PPP6C: variants seen among roughly 807,000 people sequenced by gnomAD.
PPP6C encodes the protein protein phosphatase 6 catalytic subunit.
PPP6C carries 11 observed loss-of-function variants against 39.8 expected under a neutral mutation model. That is an observed-to-expected ratio of 0.28 (90% confidence interval 0.17 to 0.46). The LOEUF (loss-of-function observed/expected upper bound fraction) is 0.46, where lower values mean the gene tolerates loss of function less well. Ranked by LOEUF, PPP6C falls within the 20% of genes least tolerant of loss-of-function variation. The pLI is 1.00. For synonymous variants in PPP6C, 129 were observed against 130.3 expected, an observed-to-expected ratio of 0.99 and a Z score of 0.07; for missense variants, 211 against 373.9, an observed-to-expected ratio of 0.56 and a Z score of 3.59.
chr9:125,151,394 T>G (rs1835938445), intron 6 of PPP6C: 1 of 983,090 alleles, frequency 1.0e-6, no homozygotes, highest in African/African-American at 1.6e-5. Context: ...CAGAATCTTC[T>G]CTGGTCCAGC....
intron 6 of PPP6C, chr9:125,151,076 T>C: frequency 7.5e-7 from 1 of 1,325,556 alleles, no homozygotes; most frequent in South Asian, 1.2e-5. Context: ...GTGGACTATC[T>C]GTATGCAGAG....
In PPP6C at chr9:125,147,291, T is replaced by C. The variant is rs1835833442; in HGVS notation, c.*2382A>G. The C allele has an allele frequency of 6.6e-6, 1 of 152,152 alleles. No homozygotes were observed. Among genetic ancestry groups the C allele is most frequent in the African/African-American group, 2.4e-5 (1 of 41,436 alleles). The allele number at this position is 152,152 out of a possible 1,614,324, so 9.4% of individuals were successfully genotyped here. Reference sequence around the variant, plus strand: ...ATATCATAGGCAAATAAAAATAGTTTTTACCCCCATTGATACAACATAAGG... The same window carrying C: ...ATATCATAGGCAAATAAAAATAGTTCTTACCCCCATTGATACAACATAAGG... On this transcript the variant is annotated 3_prime_UTR_variant, in exon 7 of 7. Coordinates refer to ENST00000373547, the MANE Select transcript of PPP6C (RefSeq NM_002721.5).
intron 1 of PPP6C, among the ~76,000 whole-genome samples, chr9:125,187,655 A>C (rs1331285511): frequency 1.3e-5 from 2 of 151,986 alleles, no homozygotes; most frequent in Non-Finnish European, 2.9e-5. Context: ...AATAAGAAGA[A>C]AAAATTCCAT....
chr9:125,184,118 T>C (rs1829474300), intron 1 of PPP6C, among the ~76,000 whole-genome samples: 1 of 152,122 alleles, frequency 6.6e-6, no homozygotes, highest in Non-Finnish European at 1.5e-5. Flanking sequence ...CCAGGCGCGG[T>C]GGCTAACGCC....
At chr9:125,187,908 T>C (rs1829565488) in intron 1 of PPP6C, among the ~76,000 whole-genome samples, 1 of 151,988 alleles carries the variant, frequency 6.6e-6, no homozygotes, top group Non-Finnish European at 1.5e-5. Context: ...AACGGGAAAA[T>C]GCACAAGAAT....
chr9:125,147,777 C>T lies in PPP6C; in HGVS notation c.*1896G>A, dbSNP rs926019006. On this transcript the variant is annotated 3_prime_UTR_variant, in exon 7 of 7. Transcript: ENST00000373547. ...CTATTAGTACAACTTAAGTGGAAAG[C>T]AAGCACTTAAATACAATTTATGGTA... 2 of 150,862 alleles carry T rather than the reference C, an allele frequency of 1.3e-5. No homozygotes were observed. Among genetic ancestry groups the T allele is most frequent in the African/African-American group, 4.9e-5 (2 of 40,878 alleles). 9.3% of individuals were successfully genotyped at this position (150,862 alleles called of 1,614,324 possible).
At chr9:125,157,319 T>C (rs1836104735) in intron 4 of PPP6C, among the ~76,000 whole-genome samples, 1 of 152,084 alleles carries the variant, frequency 6.6e-6, no homozygotes, top group Non-Finnish European at 1.5e-5. Flanking sequence ...TTCTGATCCC[T>C]GAGGTCCTAG....
Position 125,185,459 on chromosome 9 carries a change from T to C in PPP6C, c.75+4185A>G, listed in dbSNP as rs1376244561. On this transcript the variant is annotated intron_variant, in intron 1 of 6. Coordinates refer to ENST00000373547, the MANE Select transcript of PPP6C (RefSeq NM_002721.5). The stretch of plus-strand genomic sequence containing the variant: ...CTGTAATCCCAGCACTTTGGGAGGC[T>C]GAGAAGGGTGGATCACCTGAGGTCA... 2.4e-3 allele frequency among the ~76,000 whole-genome samples: 362 copies of C among 150,804 alleles called. 5 individuals carry two copies. Among genetic ancestry groups the C allele is most frequent in the African/African-American group, 8.7e-3 (353 of 40,452 alleles).
rs1243628320 is a variant in PPP6C, at chr9:125,149,626, G to A, written c.*47C>T. 7.6e-6 allele frequency: 12 copies of A among 1,588,716 alleles called. No homozygotes were observed. Among genetic ancestry groups the A allele is most frequent in the Non-Finnish European group, 1.0e-5 (12 of 1,164,136 alleles). ...TGTAGAGGGTAATACAAGAAAATTG[G>A]GGTAAGAAGAGGGCAGAAAAATGGG... On this transcript the variant is annotated 3_prime_UTR_variant, in exon 7 of 7. Coordinates refer to ENST00000373547, the MANE Select transcript of PPP6C (RefSeq NM_002721.5).
In PPP6C at chr9:125,189,014, C is replaced by A; in HGVS notation, c.75+630G>T. On this transcript the variant is annotated intron_variant, in intron 1 of 6. Transcript: ENST00000373547. ...TGAGAACCAACTACTTTATCCACTT[C>A]AGTAAGCTCAACAACATACTCAGAA... 4.1e-6 allele frequency: 5 copies of A among 1,214,548 alleles called. No individual in the cohort carries two copies. In the South Asian group the frequency reaches 6.6e-5, roughly 16 times the overall value. 75.2% of individuals were successfully genotyped at this position (1,214,548 alleles called of 1,614,324 possible).
chr9:125,154,087 A>G, intron 4 of PPP6C, 102 bp from the exon 5 acceptor site: 1 of 876,468 alleles, frequency 1.1e-6, no homozygotes, highest in Non-Finnish European at 1.8e-6. Context: ...AATTCAGCTT[A>G]AACTAGGATA....
intron 1 of PPP6C, among the ~76,000 whole-genome samples, chr9:125,176,748 C>T (rs1656831586): frequency 6.6e-6 from 1 of 152,100 alleles, no homozygotes; most frequent in Non-Finnish European, 1.5e-5. Context: ...GCAGGGAGAT[C>T]AGTTAAGTGT....
chr9:125,157,482 TA>T (rs1322972519), intron 4 of PPP6C, among the ~76,000 whole-genome samples: 2 of 152,130 alleles, frequency 1.3e-5, no homozygotes, highest in African/African-American at 2.4e-5. Flanking sequence ...ATAACATTAA[TA>T]AAGTGAAAAA....
chr9:125,149,010 A>G lies in PPP6C; in HGVS notation c.*663T>C, dbSNP rs1395175657. 6.7e-6 allele frequency: 1 copy of G among 150,138 alleles called. No individual in the cohort carries two copies. The highest frequency in any genetic ancestry group is 1.5e-5 in the Non-Finnish European group (1 of 66,708). 9.3% of individuals were successfully genotyped at this position (150,138 alleles called of 1,614,324 possible). ...TTAACCTATCTGAGTTTTATTTAAG[A>G]TTACTTTATTAAAAAATACAAGGAA... On this transcript the variant is annotated 3_prime_UTR_variant, in exon 7 of 7. Coordinates refer to ENST00000373547, the MANE Select transcript of PPP6C (RefSeq NM_002721.5).
At position 125,147,339 on chromosome 9, in the gene PPP6C, T is replaced by C. The variant is rs980867232; in HGVS notation, c.*2334A>G. 1 of 152,210 alleles carries C rather than the reference T, an allele frequency of 6.6e-6. No homozygotes were observed. The highest frequency in any genetic ancestry group is 1.5e-5 in the Non-Finnish European group (1 of 68,044). 9.4% of individuals were successfully genotyped at this position (152,210 alleles called of 1,614,324 possible). On this transcript the variant is annotated 3_prime_UTR_variant, in exon 7 of 7. Coordinates refer to ENST00000373547, the MANE Select transcript of PPP6C (RefSeq NM_002721.5). Reference sequence around the variant, plus strand: ...AGGGATTTTACATTCAGCCTAGATATAGGGAGTAACAAATCCTCCTGCCCA... The same window carrying C: ...AGGGATTTTACATTCAGCCTAGATACAGGGAGTAACAAATCCTCCTGCCCA...
Position 125,171,222 on chromosome 9 carries a change from T to C in PPP6C, c.76-42A>G, listed in dbSNP as rs551303893. 532 of 1,420,686 alleles carry C rather than the reference T, an allele frequency of 3.7e-4. 7 individuals are homozygous for C. The South Asian group carries it at 6.2e-3, about 17-fold the overall frequency. The allele number at this position is 1,420,686 out of a possible 1,614,324, so 88.0% of individuals were successfully genotyped here. A position where few individuals can be genotyped will look rare whatever the true frequency, so the allele number is the denominator to read the frequency against. ...TAAAAGGTAAACATTTACTACAACA[T>C]TAAAACTAAAGATAAAATACCAAAA... On this transcript the variant is annotated intron_variant, in intron 1 of 6. Transcript: ENST00000373547.
chr9:125,167,379 C>CAAAAAAAAAAAAAAAA lies in PPP6C; in HGVS notation c.171+3690_171+3705dup, dbSNP rs758123351. Among the ~76,000 whole-genome samples, 93 of 56,070 alleles carry CAAAAAAAAAAAAAAAA rather than the reference C, an allele frequency of 1.7e-3. 2 individuals carry two copies. Among genetic ancestry groups the CAAAAAAAAAAAAAAAA allele is most frequent in the African/African-American group, 6.3e-3 (82 of 13,092 alleles). The allele number at this position is 56,070 out of a possible 152,430, so 36.8% of individuals were successfully genotyped here. A position where few individuals can be genotyped will look rare whatever the true frequency, so the allele number is the denominator to read the frequency against. The stretch of plus-strand genomic sequence containing the variant: ...TTGGGTGACAGAGCGAGACCCTGTC[C>CAAAAAAAAAAAAAAAA]AAAAAAAAAAAAAAAAAAAAGAAAT... On this transcript the variant is annotated intron_variant, in intron 2 of 6. Coordinates refer to ENST00000373547, the MANE Select transcript of PPP6C (RefSeq NM_002721.5).
intron 1 of PPP6C, among the ~76,000 whole-genome samples, chr9:125,173,265 G>C (rs1394530965): frequency 6.6e-6 from 1 of 151,944 alleles, no homozygotes; most frequent in African/African-American, 2.4e-5. Context: ...ACAAAAATTA[G>C]CTGGGCGTGG....
intron 1 of PPP6C, among the ~76,000 whole-genome samples, chr9:125,180,698 G>C (rs555445296): frequency 5.5e-4 from 84 of 152,330 alleles, no homozygotes; most frequent in African/African-American, 1.8e-3. Context: ...TGGGGTTACA[G>C]GCGTGAGCCA....
Sources: allele counts gnomAD v4.1 joint callset (sites outside exome capture counted in the v4.1 genomes callset), GRCh38; gene constraint gnomAD v4.1.1; transcripts MANE v1.5; gene names NCBI Gene and HGNC (gene_info 2026-07-23, HGNC 2026-07-21).